Variants in RFX3 observed in about 807,000 individuals in gnomAD.
RFX3 encodes the protein transcription factor RFX3.
In RFX3, 14 loss-of-function variants were observed where a neutral mutation model predicts 98.6. The observed-to-expected ratio is 0.14, with a 90% CI of 0.09 to 0.22. The LOEUF (loss-of-function observed/expected upper bound fraction) is 0.22. Ranked by LOEUF, RFX3 falls within the 10% of genes least tolerant of loss-of-function variation. The pLI is 1.00. For missense variants in RFX3, 639 were observed against 926.9 expected (o/e 0.69, Z 4.03); for synonymous variants, 383 against 328.4 (o/e 1.17, Z -1.80).
At chr9:3,516,437 C>T (rs747976170) in intron 1 of RFX3, among the ~76,000 whole-genome samples, 18 of 152,114 alleles carry the variant, frequency 1.2e-4, no homozygotes, top group Admixed American at 6.5e-4. Flanking sequence ...TAAAAGAATG[C>T]TTATCCAAGT....
At chr9:3,522,811 T>G (rs1252119460) in intron 1 of RFX3, among the ~76,000 whole-genome samples, 6 of 152,230 alleles carry the variant, frequency 3.9e-5, no homozygotes, top group African/African-American at 1.4e-4. Flanking sequence ...AACTTGCCTT[T>G]AAGATTCATT....
Position 3,413,377 on chromosome 9 carries a change from A to C in RFX3, c.-8-17781T>G, listed in dbSNP as rs974565122. On this transcript the variant is annotated intron_variant, in intron 1 of 16. Transcript: ENST00000617270. ...TTTATGTTCCTTCTCAAGGATATACAATCAAACTATTTTCATATGGGAGTT... is the reference window on the plus strand; with the variant it reads ...TTTATGTTCCTTCTCAAGGATATACCATCAAACTATTTTCATATGGGAGTT... Among the ~76,000 whole-genome samples, 30 of 152,240 alleles carry C rather than the reference A, an allele frequency of 2.0e-4. 1 individual carries two copies. Among genetic ancestry groups the C allele is most frequent in the Middle Eastern group, 3.4e-3 (1 of 294 alleles).
chr9:3,436,401 G>A (rs898463499), intron 1 of RFX3, among the ~76,000 whole-genome samples: 1 of 152,034 alleles, frequency 6.6e-6, no homozygotes, highest in African/African-American at 2.4e-5. Flanking sequence ...AATTTTGAGT[G>A]ATCTTCAAGT....
chr9:3,335,446 C>T (rs1446005121), intron 3 of RFX3, among the ~76,000 whole-genome samples: 1 of 152,064 alleles, frequency 6.6e-6, no homozygotes, highest in Non-Finnish European at 1.5e-5. Flanking sequence ...ATATGAGTTA[C>T]TGCTTGCACA....
At chr9:3,470,449 G>A (rs1335194210) in intron 1 of RFX3, among the ~76,000 whole-genome samples, 3 of 151,238 alleles carry the variant, frequency 2.0e-5, no homozygotes, top group African/African-American at 7.3e-5. Flanking sequence ...CGAGTAGCTG[G>A]GACTACAGGT....
chr9:3,257,769 G>A (rs1343879382), intron 13 of RFX3, among the ~76,000 whole-genome samples: 1 of 152,112 alleles, frequency 6.6e-6, no homozygotes, highest in East Asian at 1.9e-4. Flanking sequence ...AAATCTCAAG[G>A]GCTATCAAGG....
rs1468737361 is a variant in RFX3 at position 3,223,875 on chromosome 9, C to T, written c.*1167G>A. The T allele has an allele frequency of 6.6e-6, 1 of 152,188 alleles. No homozygotes were observed. Among genetic ancestry groups the T allele is most frequent in the Non-Finnish European group, 1.5e-5 (1 of 68,034 alleles). 9.4% of individuals were successfully genotyped at this position (152,188 alleles called of 1,614,324 possible). A position where few individuals can be genotyped will look rare whatever the true frequency, so the allele number is the denominator to read the frequency against. The stretch of plus-strand genomic sequence containing the variant: ...TGTACATTCTTCAATGGCAATGGTC[C>T]ATCCAGCCACCTATCCAAATCCTAC... On this transcript the variant is annotated 3_prime_UTR_variant, in exon 17 of 17. Coordinates refer to ENST00000617270, the MANE Select transcript of RFX3 (RefSeq NM_001282116.2).
intron 1 of RFX3, among the ~76,000 whole-genome samples, chr9:3,509,458 A>G (rs983547409): frequency 2.0e-5 from 3 of 152,030 alleles, no homozygotes; most frequent in African/African-American, 7.2e-5. Flanking sequence ...TACATTGATT[A>G]TGACATACAT....
In RFX3 at chr9:3,235,587, G is replaced by A. The variant is rs116154476; in HGVS notation, c.1969-6698C>T. On this transcript the variant is annotated intron_variant, in intron 15 of 16. Coordinates refer to ENST00000617270, the MANE Select transcript of RFX3 (RefSeq NM_001282116.2). ...AAATCAAGGTGTTGGCAGAGTTGTG[G>A]TTCTTTCTGAAGTGTCTAGAAAAGA... is the stretch of plus-strand genomic sequence containing the variant. Among the ~76,000 whole-genome samples the A allele has an allele frequency of 1.2e-3, 179 of 152,238 alleles. 1 individual carries two copies. Among genetic ancestry groups the A allele is most frequent in the African/African-American group, 4.1e-3 (171 of 41,544 alleles).
intron 1 of RFX3, among the ~76,000 whole-genome samples, chr9:3,516,449 T>C (rs1405501020): frequency 1.3e-5 from 2 of 152,140 alleles, no homozygotes; most frequent in Non-Finnish European, 2.9e-5. Flanking sequence ...TATCCAAGTA[T>C]AAACAATATT....
chr9:3,459,924 G>T (rs1847535937), intron 1 of RFX3, among the ~76,000 whole-genome samples: 1 of 152,030 alleles, frequency 6.6e-6, no homozygotes, highest in South Asian at 2.1e-4. Context: ...GATGGTGAGA[G>T]TATGGGTGTA....
intron 4 of RFX3, among the ~76,000 whole-genome samples, chr9:3,324,564 G>T (rs755051696): frequency 6.7e-6 from 1 of 149,464 alleles, no homozygotes; most frequent in Non-Finnish European, 1.5e-5. Context: ...AGCAAGATGC[G>T]GCATTTTTCT....
At chr9:3,509,242 C>A (rs938551069) in intron 1 of RFX3, among the ~76,000 whole-genome samples, 1 of 151,942 alleles carries the variant, frequency 6.6e-6, no homozygotes, top group South Asian at 2.1e-4. Context: ...CCCAGCTGGG[C>A]AAGTCTCAGC....
rs147802126 is a variant in RFX3, at chr9:3,241,733, C to T, written c.1968+6299G>A. 6.1e-3 allele frequency among the ~76,000 whole-genome samples: 930 copies of T among 152,278 alleles called. 2 individuals carry two copies. The highest frequency in any genetic ancestry group is 9.9e-3 in the Non-Finnish European group (676 of 68,022). On this transcript the variant is annotated intron_variant, in intron 15 of 16. Coordinates refer to ENST00000617270, the MANE Select transcript of RFX3 (RefSeq NM_001282116.2). ...AAAAAATGTTTGATTTAGGTCTGGT[C>T]TCAGGATGGGTGTACAGGAGCTGTA...
chr9:3,321,366 T>C (rs566365083), intron 4 of RFX3, among the ~76,000 whole-genome samples: 1 of 152,364 alleles, frequency 6.6e-6, no homozygotes, highest in East Asian at 1.9e-4. Context: ...CACATTGCTC[T>C]CCAATTCTGT....
chr9:3,352,756 C>T (rs1192749321), intron 2 of RFX3, among the ~76,000 whole-genome samples: 1 of 152,026 alleles, frequency 6.6e-6, no homozygotes, highest in Non-Finnish European at 1.5e-5. Context: ...TGGACACAAA[C>T]AAGGTGAATC....
At chr9:3,425,055 C>T (rs1459769233) in intron 1 of RFX3, among the ~76,000 whole-genome samples, 1 of 152,076 alleles carries the variant, frequency 6.6e-6, no homozygotes, top group East Asian at 1.9e-4. Flanking sequence ...CAGGCAAAAC[C>T]CTGTCTCTAC....
intron 1 of RFX3, among the ~76,000 whole-genome samples, chr9:3,410,161 C>CTGTATGTGTGTG (rs1842332410): frequency 8.8e-6 from 1 of 114,052 alleles, no homozygotes; most frequent in Non-Finnish European, 1.8e-5. Context: ...GTGAGATAAA[C>CTGTATGTGTGTG]TGTGTGTGTG....
At chr9:3,239,230 A>C (rs1819591276) in intron 15 of RFX3, among the ~76,000 whole-genome samples, 1 of 152,218 alleles carries the variant, frequency 6.6e-6, no homozygotes, top group South Asian at 2.1e-4. Context: ...TGCTGACTTT[A>C]ATTTCTAGTT....
Sources: allele counts gnomAD v4.1 joint callset (sites outside exome capture counted in the v4.1 genomes callset), GRCh38; gene constraint gnomAD v4.1.1; transcripts MANE v1.5; gene names NCBI Gene and HGNC (gene_info 2026-07-23, HGNC 2026-07-21).